The following TRAF3IP1 variants were observed in gnomAD, a reference collection of about 807,000 sequenced individuals.
The protein encoded by TRAF3IP1 is TRAF3-interacting protein 1.
TRAF3IP1 carries 53 observed loss-of-function variants against 89.9 expected under a neutral mutation model. The ratio of observed to expected loss-of-function variants is 0.59; its 90% CI spans 0.47 to 0.74. The LOEUF (loss-of-function observed/expected upper bound fraction) is 0.74, where lower values mean the gene tolerates loss of function less well. Among genes scored for constraint, TRAF3IP1 ranks in the 30% least tolerant of loss-of-function variants. The probability of loss-of-function intolerance (pLI) is 0.00; values close to 1 mark genes in which losing one functional copy is unlikely to be tolerated. For missense variants in TRAF3IP1, 806 were observed against 866.1 expected (o/e 0.93, Z 0.87); for synonymous variants, 311 against 322.1 (o/e 0.97, Z 0.37).
chr2:238,371,618 C>T (rs896399703), intron 15 of TRAF3IP1, among the ~76,000 whole-genome samples: 3 of 152,154 alleles, frequency 2.0e-5, no homozygotes, highest in Non-Finnish European at 1.5e-5. Flanking sequence ...GGATGACCAG[C>T]GCAGTGGCCA....
At chr2:238,339,521 C>G (rs939858973) in intron 8 of TRAF3IP1, among the ~76,000 whole-genome samples, 3 of 152,248 alleles carry the variant, frequency 2.0e-5, no homozygotes, top group Non-Finnish European at 4.4e-5. Flanking sequence ...GTGGCGAAAG[C>G]CTGAGGGGTG....
chr2:238,352,271 T>C (rs1699205832), intron 12 of TRAF3IP1, among the ~76,000 whole-genome samples: 2 of 151,718 alleles, frequency 1.3e-5, no homozygotes, highest in South Asian at 2.1e-4. Context: ...TGGAGCGCAG[T>C]GTGTACGTGG....
chr2:238,334,090 T>TTTTGTC, intron 7 of TRAF3IP1, 55 bp downstream of exon 7: 3 of 1,417,690 alleles, frequency 2.1e-6, no homozygotes, highest in Non-Finnish European at 2.9e-6. Flanking sequence ...TTTTTTTTTT[T>TTTTGTC]TTGTCTTAAT....
chr2:238,360,605 C>T (rs1237460044), intron 15 of TRAF3IP1, among the ~76,000 whole-genome samples: 1 of 151,708 alleles, frequency 6.6e-6, no homozygotes, highest in African/African-American at 2.4e-5. Flanking sequence ...ATTTTTCAGC[C>T]GGGTGTGGTG....
chr2:238,395,988 A>G (rs1211710725), intron 15 of TRAF3IP1, among the ~76,000 whole-genome samples: 1 of 152,214 alleles, frequency 6.6e-6, no homozygotes, highest in Non-Finnish European at 1.5e-5. Context: ...TCAGGGATCT[A>G]GAACTAGAAA....
chr2:238,390,791 G>A (rs1700963276), intron 15 of TRAF3IP1, among the ~76,000 whole-genome samples: 1 of 152,060 alleles, frequency 6.6e-6, no homozygotes, highest in African/African-American at 2.4e-5. Context: ...GGTACAGAGA[G>A]GTCATTCCAA....
intron 5 of TRAF3IP1, among the ~76,000 whole-genome samples, chr2:238,329,783 G>A (rs1698029922): frequency 6.6e-6 from 1 of 152,158 alleles, no homozygotes; most frequent in African/African-American, 2.4e-5. Context: ...CCAGGCAAGG[G>A]GTGATGGGCT....
chr2:238,329,711 A>T (rs1698026752), intron 5 of TRAF3IP1, among the ~76,000 whole-genome samples: 1 of 152,218 alleles, frequency 6.6e-6, no homozygotes, highest in Non-Finnish European at 1.5e-5. Flanking sequence ...GCCCAGTCTG[A>T]TAGAGTGTCT....
Position 238,336,959 on chromosome 2 carries a change from GT to G in TRAF3IP1, c.1064-1402del, listed in dbSNP as rs539279499. Among the ~76,000 whole-genome samples the G allele has an allele frequency of 7.9e-5, 12 of 152,090 alleles. No individual in the cohort carries two copies. The East Asian group carries it at 2.2e-3, about 27-fold the overall frequency. On this transcript the variant is annotated intron_variant, in intron 7 of 16. Transcript: ENST00000373327. Reference sequence around the variant, plus strand: ...TTGGTCATTGAACATGTGGAAGTCTGTGGGGGTGGTTGGCATAGGTGTGGCC... The same window carrying G: ...TTGGTCATTGAACATGTGGAAGTCTGGGGGGTGGTTGGCATAGGTGTGGCC...
chr2:238,323,145 C>T (rs116643408), intron 1 of TRAF3IP1, among the ~76,000 whole-genome samples: 1,516 of 151,190 alleles, frequency 0.01, 16 homozygotes, highest in Middle Eastern at 0.095. Context: ...GTGACACAGT[C>T]TCCACTCACT....
chr2:238,330,890 C>T (rs1698086001), intron 5 of TRAF3IP1, among the ~76,000 whole-genome samples: 1 of 152,192 alleles, frequency 6.6e-6, no homozygotes, highest in Non-Finnish European at 1.5e-5. Context: ...TGATATGTGT[C>T]ATACCTGGCT....
chr2:238,337,810 A>G (rs1236553965), intron 7 of TRAF3IP1, among the ~76,000 whole-genome samples: 1 of 152,214 alleles, frequency 6.6e-6, no homozygotes, highest in African/African-American at 2.4e-5. Context: ...TGGCAGTGTT[A>G]GGAATTCTGT....
At chr2:238,367,373 A>T (rs751106841) in intron 15 of TRAF3IP1, among the ~76,000 whole-genome samples, 2 of 152,058 alleles carry the variant, frequency 1.3e-5, no homozygotes, top group Non-Finnish European at 2.9e-5. Context: ...GAAGATGTGG[A>T]TCTCACTAGT....
intron 15 of TRAF3IP1, among the ~76,000 whole-genome samples, chr2:238,356,777 ATT>A (rs1332058374): frequency 3.5e-4 from 48 of 135,648 alleles, no homozygotes; most frequent in Admixed American, 5.2e-4. Context: ...GAGACTGGGA[ATT>A]TTTTTTTTTT....
chr2:238,377,197 GT>G (rs1700351468), intron 15 of TRAF3IP1, among the ~76,000 whole-genome samples: 1 of 148,666 alleles, frequency 6.7e-6, no homozygotes, highest in Non-Finnish European at 1.5e-5. Context: ...AATGGTGATT[GT>G]GGGTAACCTC....
chr2:238,374,300 G>A (rs903057755), intron 15 of TRAF3IP1, among the ~76,000 whole-genome samples: 9 of 152,270 alleles, frequency 5.9e-5, no homozygotes, highest in African/African-American at 1.9e-4. Context: ...TTTGAGATAC[G>A]TTCCATCAAT....
At chr2:238,365,382 C>G (rs921366736) in intron 15 of TRAF3IP1, among the ~76,000 whole-genome samples, 1 of 152,138 alleles carries the variant, frequency 6.6e-6, no homozygotes, top group Non-Finnish European at 1.5e-5. Context: ...TAAAAATGGG[C>G]CAGGCGCGGT....
intron 15 of TRAF3IP1, among the ~76,000 whole-genome samples, chr2:238,364,197 G>T (rs1699779179): frequency 6.6e-6 from 1 of 152,028 alleles, no homozygotes; most frequent in Non-Finnish European, 1.5e-5. Flanking sequence ...ATGCATATTT[G>T]TAATTTGGGC....
In TRAF3IP1 at chr2:238,346,079, A is replaced by T. The variant is rs1698880425; in HGVS notation, c.1262-1376A>T. 1.3e-5 allele frequency among the ~76,000 whole-genome samples: 2 copies of T among 152,054 alleles called. 1 individual carries two copies. Among genetic ancestry groups the T allele is most frequent in the Non-Finnish European group, 2.9e-5 (2 of 68,002 alleles). On this transcript the variant is annotated intron_variant, in intron 9 of 16. Coordinates refer to ENST00000373327, the MANE Select transcript of TRAF3IP1 (RefSeq NM_015650.4). ...TCCTAACACCCTGGTGTTTTGAAGA[A>T]AGAGCCGGGGATTTGAAACTGTGTC...
Sources: gnomAD v4.1 joint callset for allele counts (sites outside exome capture counted in the v4.1 genomes callset) on GRCh38, gnomAD v4.1.1 for gene constraint, MANE v1.5 for transcripts, NCBI Gene and HGNC (gene_info 2026-07-23, HGNC 2026-07-21) for gene names.